GRM7: variants seen among roughly 807,000 people sequenced by gnomAD.
The protein encoded by GRM7 is glutamate metabotropic receptor 7, also known as metabotropic glutamate receptor 7.
Under a neutral mutation model 84.5 loss-of-function variants are expected in GRM7, and 35 were observed. That is an observed-to-expected ratio of 0.41 (90% CI 0.32 to 0.55). GRM7 has a LOEUF of 0.55. Among genes scored for constraint, GRM7 ranks in the 20% least tolerant of loss-of-function variants. The pLI is 0.19. For missense variants in GRM7, 1,003 were observed against 1,194.6 expected (o/e 0.84, Z 2.36); for synonymous variants, 487 against 455.1 (o/e 1.07, Z -0.89).
chr3:7,330,651 A>C (rs933766786), intron 4 of GRM7, among the ~76,000 whole-genome samples: 1 of 152,170 alleles, frequency 6.6e-6, no homozygotes, highest in Non-Finnish European at 1.5e-5. Flanking sequence ...GGCTGTCATT[A>C]TCTCCTGCCT....
intron 8 of GRM7, among the ~76,000 whole-genome samples, chr3:7,622,716 G>A (rs1394509749): frequency 6.6e-6 from 1 of 152,066 alleles, no homozygotes; most frequent in Non-Finnish European, 1.5e-5. Context: ...GTGTAAGGCT[G>A]CCTCGGTGTC....
In GRM7 at chr3:7,383,813, A is replaced by G. The variant is rs536250224; in HGVS notation, c.1034-31210A>G. On this transcript the variant is annotated intron_variant, in intron 4 of 9. Coordinates refer to ENST00000357716, the MANE Select transcript of GRM7 (RefSeq NM_000844.4). The stretch of plus-strand genomic sequence containing the variant: ...TACCACCCTGGGGTATATGAAATCT[A>G]TCTAAAGTTATTTTAATTAACGTTA... Among the ~76,000 whole-genome samples, 29 of 152,326 alleles carry G rather than the reference A, an allele frequency of 1.9e-4. No individual in the cohort carries two copies. In the East Asian group the frequency reaches 3.3e-3, roughly 17 times the overall value.
chr3:7,608,260 G>T (rs1451202767), intron 8 of GRM7, among the ~76,000 whole-genome samples: 1 of 152,124 alleles, frequency 6.6e-6, no homozygotes, highest in Non-Finnish European at 1.5e-5. Context: ...TAATGAGATT[G>T]CTGGGTCAAG....
chr3:7,086,345 A>G (rs1559429791), intron 1 of GRM7, among the ~76,000 whole-genome samples: 1 of 148,568 alleles, frequency 6.7e-6, no homozygotes, highest in Non-Finnish European at 1.5e-5. Context: ...AAAATAAAAA[A>G]GATCCTATAG....
At chr3:6,954,198 G>A (rs73126723) in intron 1 of GRM7, among the ~76,000 whole-genome samples, 22,271 of 152,068 alleles carry the variant, frequency 0.15, 1,721 homozygotes, top group African/African-American at 0.18. Context: ...ATACATCACT[G>A]AAGTATTTAT....
chr3:6,895,056 C>T (rs1313550291), intron 1 of GRM7, among the ~76,000 whole-genome samples: 1 of 152,160 alleles, frequency 6.6e-6, no homozygotes, highest in Admixed American at 6.6e-5. Flanking sequence ...AGAAAAGCCG[C>T]TCTTTCTGGG....
intron 2 of GRM7, among the ~76,000 whole-genome samples, chr3:7,242,296 AG>A (rs1375979350): frequency 5.3e-5 from 8 of 152,294 alleles, no homozygotes; most frequent in African/African-American, 1.7e-4. Flanking sequence ...ACCTTAAATT[AG>A]ATGATTGTGG....
At chr3:7,040,308 CTT>C (rs550426466) in intron 1 of GRM7, among the ~76,000 whole-genome samples, 2 of 146,644 alleles carry the variant, frequency 1.4e-5, no homozygotes, top group Admixed American at 6.8e-5. Context: ...TCTGTAAACT[CTT>C]TTTTTTTTTG....
intron 8 of GRM7, among the ~76,000 whole-genome samples, chr3:7,594,478 C>T (rs924580842): frequency 1.3e-5 from 2 of 152,116 alleles, no homozygotes; most frequent in African/African-American, 4.8e-5. Flanking sequence ...TTTGGTTAAC[C>T]ATGTGCCCAG....
At chr3:7,178,341 T>G (rs1695222292) in intron 2 of GRM7, among the ~76,000 whole-genome samples, 1 of 152,196 alleles carries the variant, frequency 6.6e-6, no homozygotes, top group Non-Finnish European at 1.5e-5. Flanking sequence ...GACTTATTTT[T>G]CATTATTTGT....
chr3:7,729,900 A>G (rs1177805637), intron 9 of GRM7, among the ~76,000 whole-genome samples: 1 of 118,060 alleles, frequency 8.5e-6, no homozygotes, highest in African/African-American at 3.4e-5. Flanking sequence ...TTTGAGATGA[A>G]GTCTTGCTCT....
intron 9 of GRM7, among the ~76,000 whole-genome samples, chr3:7,694,911 G>C (rs370794824): frequency 1.6e-4 from 25 of 152,144 alleles, no homozygotes; most frequent in East Asian, 7.7e-4. Flanking sequence ...AAGGTCACCT[G>C]TATTTAACAA....
chr3:7,409,069 T>C lies in GRM7; in HGVS notation c.1034-5954T>C, dbSNP rs76598320. On this transcript the variant is annotated intron_variant, in intron 4 of 9. Transcript: ENST00000357716. ...TTTCTGTTCTGTTCCAATGATAAAT[T>C]GATCTGTTTATTTATGTGCCAAGAC... Among the ~76,000 whole-genome samples the C allele has an allele frequency of 5.3e-5, 8 of 152,288 alleles. No individual in the cohort carries two copies. The East Asian group carries it at 1.5e-3, about 29-fold the overall frequency.
At chr3:7,083,607 T>A (rs1460754127) in intron 1 of GRM7, among the ~76,000 whole-genome samples, 1 of 152,146 alleles carries the variant, frequency 6.6e-6, no homozygotes, top group Non-Finnish European at 1.5e-5. Context: ...TCATTTATGT[T>A]TTCACTGATT....
chr3:7,463,965 C>T (rs1364111896), intron 7 of GRM7, among the ~76,000 whole-genome samples: 2 of 152,134 alleles, frequency 1.3e-5, no homozygotes, highest in Non-Finnish European at 2.9e-5. Context: ...AAAGTAGCAG[C>T]AGAAAGACCA....
chr3:7,462,174 C>A (rs574124323), intron 7 of GRM7, among the ~76,000 whole-genome samples: 1 of 152,162 alleles, frequency 6.6e-6, no homozygotes, highest in East Asian at 1.9e-4. Flanking sequence ...GCAGTGCTTC[C>A]ATTTCTGTAA....
intron 2 of GRM7, among the ~76,000 whole-genome samples, chr3:7,220,895 C>T (rs183059346): frequency 4.1e-4 from 62 of 152,276 alleles, no homozygotes; most frequent in Non-Finnish European, 7.5e-4. Context: ...GAGTTTGGCA[C>T]CAGCCTGAGC....
intron 2 of GRM7, among the ~76,000 whole-genome samples, chr3:7,217,743 A>T (rs1696662651): frequency 6.7e-6 from 1 of 149,962 alleles, no homozygotes; most frequent in Non-Finnish European, 1.5e-5. Flanking sequence ...AAATTATTTT[A>T]AAACATTTTA....
chr3:7,722,950 A>G (rs1434456258), intron 9 of GRM7, among the ~76,000 whole-genome samples: 2 of 152,224 alleles, frequency 1.3e-5, no homozygotes, highest in African/African-American at 2.4e-5. Flanking sequence ...GTTGTGAAGC[A>G]TAAATTTTGC....
Sources: allele counts gnomAD v4.1 joint callset (sites outside exome capture counted in the v4.1 genomes callset), GRCh38; gene constraint gnomAD v4.1.1; transcripts MANE v1.5; gene names NCBI Gene and HGNC (gene_info 2026-07-23, HGNC 2026-07-21).